DAB1: variants seen among roughly 807,000 people sequenced by gnomAD.
DAB1 encodes the protein DAB adaptor protein 1, also known as disabled homolog 1.
In DAB1, 15 loss-of-function variants were observed where a neutral mutation model predicts 64.6. That is an observed-to-expected ratio of 0.23 (90% CI 0.16 to 0.36). The LOEUF (loss-of-function observed/expected upper bound fraction) is 0.36, where lower values mean the gene tolerates loss of function less well. DAB1 is among the 10% of genes least tolerant of loss of function. DAB1 has a pLI of 1.00. For synonymous variants in DAB1, 235 were observed against 251.9 expected (o/e 0.93, Z 0.64); for missense variants, 596 against 706.7 (o/e 0.84, Z 1.78).
chr1:58,535,922 A>T (rs569175989), intron 1 of DAB1, among the ~76,000 whole-genome samples: 17 of 152,250 alleles, frequency 1.1e-4, no homozygotes, highest in African/African-American at 3.9e-4. Context: ...CTGACTATAA[A>T]TCTATTTATT....
At chr1:57,207,794 T>C (rs1448647767) in intron 2 of DAB1, among the ~76,000 whole-genome samples, 1 of 152,216 alleles carries the variant, frequency 6.6e-6, no homozygotes, top group Non-Finnish European at 1.5e-5. Context: ...TAGTAACTTC[T>C]TCCAGCAAGG....
chr1:57,872,740 C>T (rs1357367815), intron 1 of DAB1, among the ~76,000 whole-genome samples: 1 of 152,034 alleles, frequency 6.6e-6, no homozygotes, highest in Non-Finnish European at 1.5e-5. Flanking sequence ...ATTAATTCCT[C>T]ACTGACGGGA....
At position 58,306,356 on chromosome 1, in the gene DAB1, A is replaced by G. The variant is rs576226751; in HGVS notation, n.309+36996T>C. On this transcript the variant is annotated intron_variant and non_coding_transcript_variant, in intron 4 of 20. Transcript: ENST00000485760. ...AAATGTAAGGAAATAATACATTTAA[A>G]TATCTGACATTTAACAGTATGTTAA... Among the ~76,000 whole-genome samples, 13 of 152,344 alleles carry G rather than the reference A, an allele frequency of 8.5e-5. 1 individual carries two copies. The Middle Eastern group carries it at 0.01, about 120-fold the overall frequency.
chr1:58,008,946 C>A (rs1266481249), intron 5 of DAB1, among the ~76,000 whole-genome samples: 1 of 152,100 alleles, frequency 6.6e-6, no homozygotes, highest in Admixed American at 6.6e-5. Flanking sequence ...GACTCACTAC[C>A]ATATGTATTG....
intron 5 of DAB1, among the ~76,000 whole-genome samples, chr1:57,960,965 G>T (rs1450181800): frequency 6.6e-6 from 1 of 152,230 alleles, no homozygotes; most frequent in Non-Finnish European, 1.5e-5. Context: ...GAGCTGGACA[G>T]ATTAGAGACC....
chr1:58,535,572 G>A (rs1195772573), intron 1 of DAB1, among the ~76,000 whole-genome samples: 1 of 149,210 alleles, frequency 6.7e-6, no homozygotes, highest in Non-Finnish European at 1.5e-5. Context: ...GTACAGCCTG[G>A]GTGACAGAGC....
chr1:57,771,088 T>C (rs1284357426), intron 6 of DAB1, among the ~76,000 whole-genome samples: 3 of 152,180 alleles, frequency 2.0e-5, no homozygotes, highest in Non-Finnish European at 2.9e-5. Flanking sequence ...GGCAGAGATA[T>C]TGCATTAATG....
At chr1:57,276,955 G>A (rs1311516525) in intron 2 of DAB1, among the ~76,000 whole-genome samples, 1 of 152,080 alleles carries the variant, frequency 6.6e-6, no homozygotes, top group Non-Finnish European at 1.5e-5. Context: ...TGAAGGAAAG[G>A]TGGAAGGAAA....
At position 58,300,642 on chromosome 1, in the gene DAB1, G is replaced by GGA. The variant is rs757401774; in HGVS notation, n.309+42709_309+42710insTC. ...AGAGAGAGAGAGAGAGAGAGAGAGA[G>GGA]AGAGAGGAAGGAAGGAAGGAAGGAA... On this transcript the variant is annotated intron_variant and non_coding_transcript_variant, in intron 4 of 20. Transcript: ENST00000485760. 2.9e-3 allele frequency among the ~76,000 whole-genome samples: 149 copies of GGA among 51,682 alleles called. 3 individuals carry two copies. Among genetic ancestry groups the GGA allele is most frequent in the East Asian group, 0.019 (25 of 1,348 alleles). 33.9% of individuals were successfully genotyped at this position (51,682 alleles called of 152,430 possible). A position where few individuals can be genotyped will look rare whatever the true frequency, so the allele number is the denominator to read the frequency against.
chr1:58,361,732 T>C (rs1054715521), intron 3 of DAB1, among the ~76,000 whole-genome samples: 1 of 152,134 alleles, frequency 6.6e-6, no homozygotes, highest in Admixed American at 6.5e-5. Flanking sequence ...TGAGCCTCAG[T>C]TGCTTCACTA....
intron 5 of DAB1, among the ~76,000 whole-genome samples, chr1:58,041,259 A>G (rs1269569624): frequency 3.3e-5 from 5 of 152,202 alleles, no homozygotes; most frequent in African/African-American, 1.2e-4. Context: ...TTATTGCGCT[A>G]TATTGCAACG....
intron 5 of DAB1, among the ~76,000 whole-genome samples, chr1:57,917,436 T>C (rs1644743351): frequency 6.6e-6 from 1 of 152,234 alleles, no homozygotes; most frequent in Non-Finnish European, 1.5e-5. Context: ...CTGCCCCATA[T>C]CATTGTAATG....
intron 2 of DAB1, among the ~76,000 whole-genome samples, chr1:57,276,801 A>G (rs1671505560): frequency 6.6e-6 from 1 of 152,214 alleles, no homozygotes; most frequent in African/African-American, 2.4e-5. Flanking sequence ...CTGCTAAGTG[A>G]TTTCAACTTA....
At chr1:57,477,739 T>C (rs958207076) in intron 7 of DAB1, among the ~76,000 whole-genome samples, 1 of 152,046 alleles carries the variant, frequency 6.6e-6, no homozygotes, top group Admixed American at 6.6e-5. Context: ...ATCACTCTGG[T>C]GGTGATGTGT....
chr1:57,079,158 C>T (rs776697126), intron 4 of DAB1, among the ~76,000 whole-genome samples: 3 of 152,094 alleles, frequency 2.0e-5, no homozygotes, highest in Non-Finnish European at 4.4e-5. Flanking sequence ...CAAGAGTTCT[C>T]TCTTGAGTGG....
At chr1:58,054,169 G>A (rs191408106) in intron 5 of DAB1, among the ~76,000 whole-genome samples, 1 of 152,204 alleles carries the variant, frequency 6.6e-6, no homozygotes, top group African/African-American at 2.4e-5. Flanking sequence ...GAGTTTCCTA[G>A]GATGAGAAGT....
At chr1:58,430,946 G>C (rs1031763637) in intron 3 of DAB1, among the ~76,000 whole-genome samples, 1 of 152,186 alleles carries the variant, frequency 6.6e-6, no homozygotes, top group South Asian at 2.1e-4. Context: ...ACAGGTGAAC[G>C]CAGATGCCAT....
chr1:57,665,730 A>G (rs149765251), intron 6 of DAB1, among the ~76,000 whole-genome samples: 189 of 152,198 alleles, frequency 1.2e-3, no homozygotes, highest in African/African-American at 4.4e-3. Flanking sequence ...AGCATGATGA[A>G]TATGTGTGTA....
At chr1:57,106,190 A>T (rs1655123891) in intron 4 of DAB1, among the ~76,000 whole-genome samples, 1 of 152,050 alleles carries the variant, frequency 6.6e-6, no homozygotes, top group Admixed American at 6.6e-5. Context: ...CTTAAATGGC[A>T]CATAGAGCTC....
Sources: allele counts gnomAD v4.1 joint callset (sites outside exome capture counted in the v4.1 genomes callset), GRCh38; gene constraint gnomAD v4.1.1; transcripts MANE v1.5; gene names NCBI Gene and HGNC (gene_info 2026-07-23, HGNC 2026-07-21).